Variants in ADAMTS16 observed in about 807,000 individuals in gnomAD.
ADAMTS16 encodes A disintegrin and metalloproteinase with thrombospondin motifs 16.
Under a neutral mutation model 145.8 loss-of-function variants are expected in ADAMTS16, and 94 were observed. That is an observed-to-expected ratio of 0.64 (90% confidence interval 0.55 to 0.77). The LOEUF is 0.77. Among genes scored for constraint, ADAMTS16 ranks in the 30% least tolerant of loss-of-function variants. The pLI is 0.00. For synonymous variants in ADAMTS16, 659 were observed against 604.3 expected, an observed-to-expected ratio of 1.09 and a Z score of -1.33; for missense variants, 1,585 against 1,591.5, an observed-to-expected ratio of 1.00 and a Z score of 0.07.
chr5:5,179,550 A>G (rs1212973386), intron 3 of ADAMTS16, among the ~76,000 whole-genome samples: 4 of 152,234 alleles, frequency 2.6e-5, no homozygotes, highest in Non-Finnish European at 5.9e-5. Flanking sequence ...AAAGGTTGAA[A>G]GCTAATTGGC....
intron 20 of ADAMTS16, among the ~76,000 whole-genome samples, chr5:5,306,108 T>C (rs1429612445): frequency 6.6e-6 from 1 of 152,228 alleles, no homozygotes; most frequent in Admixed American, 6.5e-5. Context: ...GCCCCAGCTT[T>C]AGGGGCCAAC....
intron 3 of ADAMTS16, among the ~76,000 whole-genome samples, chr5:5,170,264 C>T (rs539177725): frequency 1.2e-4 from 19 of 152,290 alleles, no homozygotes; most frequent in Non-Finnish European, 2.5e-4. Flanking sequence ...TAATATCACG[C>T]TGTAGTTTTG....
chr5:5,230,113 G>A (rs1222702503), intron 11 of ADAMTS16, among the ~76,000 whole-genome samples: 1 of 152,104 alleles, frequency 6.6e-6, no homozygotes, highest in Non-Finnish European at 1.5e-5. Context: ...CAGATCTAGA[G>A]AACCCAGGGG....
At chr5:5,285,586 T>G (rs923334346) in intron 18 of ADAMTS16, among the ~76,000 whole-genome samples, 4 of 152,188 alleles carry the variant, frequency 2.6e-5, no homozygotes, top group African/African-American at 4.8e-5. Context: ...TTGTGAGAAT[T>G]AAAAATTTCA....
chr5:5,239,983 G>A (rs1200257116), intron 16 of ADAMTS16, 58 bp downstream of exon 16: 18 of 1,587,974 alleles, frequency 1.1e-5, no homozygotes, highest in Non-Finnish European at 1.4e-5. Flanking sequence ...TGGTGTCTGT[G>A]TAAGTTAATG....
At chr5:5,143,531 G>A (rs1280305446) in intron 2 of ADAMTS16, among the ~76,000 whole-genome samples, 1 of 152,156 alleles carries the variant, frequency 6.6e-6, no homozygotes, top group Admixed American at 6.5e-5. Flanking sequence ...ACAGTTGGTG[G>A]GAGTGTAAAT....
chr5:5,239,883 C>G lies in ADAMTS16; in HGVS notation c.2481C>G (p.Asn827Lys). The G allele has an allele frequency of 6.2e-7, 1 of 1,614,068 alleles. No individual in the cohort carries two copies. Among genetic ancestry groups the G allele is most frequent in the African/African-American group, 1.3e-5 (1 of 74,988 alleles). ...GACGGTCCTATAATGAGCCCGAGAA[C>G]TTAATCGCTACTGGACCAACCAACG... ...DYRRSYNEPE[N>K]LIATGPTNET... is the part of the protein sequence containing the mutation. The change falls in exon 16 of 23, where the codon AAC (asparagine) becomes AAG (lysine). Residue 827 changes from asparagine (N) to lysine (K), a missense_variant. Physicochemically the swap from Asn to Lys is moderately conservative, Grantham distance 94. Coordinates refer to ENST00000274181, the MANE Select transcript of ADAMTS16 (RefSeq NM_139056.4).
intron 3 of ADAMTS16, among the ~76,000 whole-genome samples, chr5:5,168,647 T>TA (rs1734957084): frequency 1.0e-5 from 1 of 97,138 alleles, no homozygotes; most frequent in Non-Finnish European, 2.2e-5. Flanking sequence ...TATATAATTA[T>TA]ATTTATATAT....
intron 3 of ADAMTS16, among the ~76,000 whole-genome samples, chr5:5,169,067 C>A (rs1173554072): frequency 6.6e-6 from 1 of 151,908 alleles, no homozygotes; most frequent in Non-Finnish European, 1.5e-5. Flanking sequence ...TTTCTCACTT[C>A]CTGGCTTGGA....
intron 18 of ADAMTS16, among the ~76,000 whole-genome samples, chr5:5,282,613 G>C (rs1738962874): frequency 6.6e-6 from 1 of 152,098 alleles, no homozygotes; most frequent in African/African-American, 2.4e-5. Flanking sequence ...TCCCCAACAG[G>C]GAAAGCCCAC....
At chr5:5,209,015 G>T (rs1736203605) in intron 9 of ADAMTS16, 78 bp from the exon 10 acceptor site, 14 of 1,474,346 alleles carry the variant, frequency 9.5e-6, no homozygotes, top group African/African-American at 1.4e-5. Flanking sequence ...TTACATGGGG[G>T]AGAAAGGCAT....
intron 3 of ADAMTS16, among the ~76,000 whole-genome samples, chr5:5,173,181 T>G (rs1192592320): frequency 1.3e-5 from 2 of 151,632 alleles, no homozygotes; most frequent in East Asian, 3.9e-4. Flanking sequence ...GGGTCTTGTT[T>G]TTTTTTTTTC....
intron 17 of ADAMTS16, among the ~76,000 whole-genome samples, chr5:5,250,242 C>T (rs1737580023): frequency 6.6e-6 from 1 of 152,168 alleles, no homozygotes; most frequent in South Asian, 2.1e-4. Flanking sequence ...TCCCTGCCTC[C>T]TGTTCATATC....
chr5:5,267,510 C>T (rs1560977980), intron 18 of ADAMTS16, among the ~76,000 whole-genome samples: 3 of 152,132 alleles, frequency 2.0e-5, no homozygotes, highest in Admixed American at 6.5e-5. Flanking sequence ...TGCTCCACAG[C>T]TGAGTTCTCC....
At chr5:5,261,680 T>C (rs1738038438) in intron 17 of ADAMTS16, among the ~76,000 whole-genome samples, 1 of 152,104 alleles carries the variant, frequency 6.6e-6, no homozygotes, top group South Asian at 2.1e-4. Flanking sequence ...GAGACGGAGT[T>C]TCACCATGTT....
At chr5:5,216,374 A>AT (rs140020275) in intron 10 of ADAMTS16, among the ~76,000 whole-genome samples, 20,241 of 146,904 alleles carry the variant, frequency 0.14, 1,338 homozygotes, top group East Asian at 0.17. Context: ...TCCTTAGCCC[A>AT]TTTTTTTTTT....
At chr5:5,202,071 G>A (rs1332461132) in intron 9 of ADAMTS16, among the ~76,000 whole-genome samples, 2 of 152,098 alleles carry the variant, frequency 1.3e-5, no homozygotes, top group Non-Finnish European at 2.9e-5. Flanking sequence ...CTTTCTGGTG[G>A]TCTGTTGCCC....
intron 8 of ADAMTS16, among the ~76,000 whole-genome samples, chr5:5,193,204 TA>T (rs1465927783): frequency 6.6e-6 from 1 of 152,158 alleles, no homozygotes; most frequent in Non-Finnish European, 1.5e-5. Context: ...TTTGCGTGTG[TA>T]TACACATGTG....
intron 3 of ADAMTS16, among the ~76,000 whole-genome samples, chr5:5,173,419 T>C (rs1308276354): frequency 7.3e-6 from 1 of 137,210 alleles, no homozygotes; most frequent in Non-Finnish European, 1.7e-5. Context: ...CTTTTGTACT[T>C]TTTTTTTTAT....
Sources: allele counts gnomAD v4.1 joint callset (sites outside exome capture counted in the v4.1 genomes callset), GRCh38; gene constraint gnomAD v4.1.1; transcripts MANE v1.5; gene names NCBI Gene and HGNC (gene_info 2026-07-23, HGNC 2026-07-21).